Variants in SLC4A4 observed in about 807,000 individuals in gnomAD.
The protein encoded by SLC4A4 is electrogenic sodium bicarbonate cotransporter 1.
SLC4A4 carries 27 observed loss-of-function variants against 111.5 expected under a neutral mutation model. That is an observed-to-expected ratio of 0.24 (90% CI 0.18 to 0.33). The LOEUF is 0.33. Ranked by LOEUF, SLC4A4 falls within the 10% of genes least tolerant of loss-of-function variation. SLC4A4 has a pLI of 1.00. For missense variants in SLC4A4, 909 were observed against 1,315.5 expected, an observed-to-expected ratio of 0.69 and a Z score of 4.78; for synonymous variants, 443 against 463.4, an observed-to-expected ratio of 0.96 and a Z score of 0.57.
intron 1 of SLC4A4, among the ~76,000 whole-genome samples, chr4:71,215,500 C>T (rs2149016341): frequency 6.6e-6 from 1 of 152,340 alleles, no homozygotes; most frequent in East Asian, 1.9e-4. Flanking sequence ...GCTCCATCCA[C>T]CTCGTTCCTT....
chr4:71,181,485 G>A (rs563351163), intron 2 of SLC4A4, among the ~76,000 whole-genome samples: 1 of 152,268 alleles, frequency 6.6e-6, no homozygotes, highest in East Asian at 1.9e-4. Flanking sequence ...TTCACGAGAT[G>A]CTTTATGCAC....
rs1737720899 is a variant in SLC4A4, at chr4:71,568,868, A to C, written c.*1117A>C. The C allele has an allele frequency of 6.6e-6, 1 of 152,050 alleles. No individual in the cohort carries two copies. The highest frequency in any genetic ancestry group is 1.5e-5 in the Non-Finnish European group (1 of 67,838). 9.4% of individuals were successfully genotyped at this position (152,050 alleles called of 1,614,324 possible). A position where few individuals can be genotyped will look rare whatever the true frequency, so the allele number is the denominator to read the frequency against. ...TCCATTTTTCCCTTTCTTTAAAAGAAACTTAACTGTTCTATGAAGGAGATT... is the reference window on the plus strand; with the variant it reads ...TCCATTTTTCCCTTTCTTTAAAAGACACTTAACTGTTCTATGAAGGAGATT... On this transcript the variant is annotated 3_prime_UTR_variant, in exon 26 of 26. Coordinates refer to ENST00000264485, the MANE Select transcript of SLC4A4 (RefSeq NM_001098484.3).
intron 4 of SLC4A4, among the ~76,000 whole-genome samples, chr4:71,342,260 A>G (rs556360244): frequency 3.9e-5 from 6 of 152,222 alleles, no homozygotes; most frequent in Non-Finnish European, 8.8e-5. Flanking sequence ...GTAAAATTTT[A>G]GTTCCTAAAA....
chr4:71,288,176 G>A (rs1358901858), intron 3 of SLC4A4, among the ~76,000 whole-genome samples: 1 of 152,162 alleles, frequency 6.6e-6, no homozygotes, highest in African/African-American at 2.4e-5. Context: ...GGGGTAGCAT[G>A]CAGAATGGCC....
intron 3 of SLC4A4, among the ~76,000 whole-genome samples, chr4:71,308,744 C>A (rs1388263787): frequency 6.6e-6 from 1 of 152,182 alleles, no homozygotes; most frequent in Non-Finnish European, 1.5e-5. Flanking sequence ...TGTGCCTACA[C>A]CACCAGGGCT....
intron 1 of SLC4A4, among the ~76,000 whole-genome samples, chr4:71,187,935 G>A (rs918991782): frequency 2.0e-5 from 3 of 152,222 alleles, no homozygotes; most frequent in Admixed American, 2.0e-4. Context: ...CAAAGGCGGG[G>A]GGTGAGTCAG....
At chr4:71,454,412 G>A (rs1726036019) in intron 12 of SLC4A4, among the ~76,000 whole-genome samples, 1 of 152,170 alleles carries the variant, frequency 6.6e-6, no homozygotes, top group Non-Finnish European at 1.5e-5. Flanking sequence ...TGTGCTAGGT[G>A]ATGAATACGA....
intron 6 of SLC4A4, among the ~76,000 whole-genome samples, chr4:71,368,156 G>T (rs1183116804): frequency 6.6e-6 from 1 of 152,118 alleles, no homozygotes; most frequent in Non-Finnish European, 1.5e-5. Context: ...ACATTTAATA[G>T]GAATAGCAAA....
At chr4:71,078,513 T>C (rs1741909046) in intron 1 of SLC4A4, among the ~76,000 whole-genome samples, 1 of 152,128 alleles carries the variant, frequency 6.6e-6, no homozygotes, top group Admixed American at 6.5e-5. Flanking sequence ...TGGAAAGGCT[T>C]AAGTAAAATA....
At chr4:71,509,561 G>A (rs1248924783) in intron 16 of SLC4A4, among the ~76,000 whole-genome samples, 3 of 152,098 alleles carry the variant, frequency 2.0e-5, no homozygotes, top group Non-Finnish European at 4.4e-5. Flanking sequence ...TACTTCATGG[G>A]GGTTTGTGAT....
chr4:71,402,032 T>G (rs1470382972), intron 7 of SLC4A4, among the ~76,000 whole-genome samples: 1 of 152,224 alleles, frequency 6.6e-6, no homozygotes. Flanking sequence ...CTAAAGCATA[T>G]TAGAATCATT....
At chr4:71,549,436 G>A (rs982609524) in intron 20 of SLC4A4, among the ~76,000 whole-genome samples, 4 of 151,846 alleles carry the variant, frequency 2.6e-5, no homozygotes, top group African/African-American at 7.2e-5. Flanking sequence ...GTTCCTTGAA[G>A]GTGGGCTCAC....
intron 16 of SLC4A4, 43 bp downstream of exon 16, chr4:71,497,735 G>T: frequency 1.3e-6 from 2 of 1,489,980 alleles, no homozygotes; most frequent in Admixed American, 1.7e-5. Context: ...GATTTACACT[G>T]TATCAACAAT....
chr4:71,346,853 C>T (rs1383425518), intron 4 of SLC4A4, among the ~76,000 whole-genome samples: 2 of 152,056 alleles, frequency 1.3e-5, no homozygotes, highest in African/African-American at 2.4e-5. Flanking sequence ...CATTTTAAAG[C>T]AATTTAATAG....
intron 2 of SLC4A4, among the ~76,000 whole-genome samples, chr4:71,174,524 A>G (rs1037455670): frequency 6.6e-6 from 1 of 152,170 alleles, no homozygotes; most frequent in African/African-American, 2.4e-5. Flanking sequence ...CTGGTATTAC[A>G]GGGGTGAGCC....
intron 1 of SLC4A4, among the ~76,000 whole-genome samples, chr4:71,068,926 C>A (rs955618082): frequency 6.6e-6 from 1 of 152,200 alleles, no homozygotes; most frequent in East Asian, 1.9e-4. Flanking sequence ...GTGACTGATA[C>A]AAAGTTTGAG....
intron 13 of SLC4A4, among the ~76,000 whole-genome samples, chr4:71,469,060 TAGA>T (rs1727637293): frequency 6.6e-6 from 1 of 152,094 alleles, no homozygotes; most frequent in South Asian, 2.1e-4. Context: ...AAATCAGTAA[TAGA>T]AGGAAGAAAA....
chr4:71,193,079 C>G (rs1296547710), intron 1 of SLC4A4, among the ~76,000 whole-genome samples: 1 of 152,304 alleles, frequency 6.6e-6, no homozygotes, highest in South Asian at 2.1e-4. Context: ...GTACATTTAT[C>G]CATTTTGTTC....
intron 2 of SLC4A4, among the ~76,000 whole-genome samples, chr4:71,152,516 C>A (rs976036408): frequency 1.3e-5 from 2 of 152,162 alleles, no homozygotes; most frequent in African/African-American, 2.4e-5. Context: ...GTTTTCATAT[C>A]TGTATAATAA....
Sources: gnomAD v4.1 joint callset for allele counts (sites outside exome capture counted in the v4.1 genomes callset) on GRCh38, gnomAD v4.1.1 for gene constraint, MANE v1.5 for transcripts, NCBI Gene and HGNC (gene_info 2026-07-23, HGNC 2026-07-21) for gene names.